Variants in DGLUCY observed in about 807,000 individuals in gnomAD.
DGLUCY encodes the protein D-glutamate cyclase, also known as D-glutamate cyclase, mitochondrial.
In DGLUCY, 58 loss-of-function variants were observed where a neutral mutation model predicts 58.5. That is an observed-to-expected ratio of 0.99 (90% CI 0.80 to 1.23). The LOEUF is 1.23. Among genes scored for constraint, DGLUCY ranks in the 50% most tolerant of loss-of-function variants. The pLI is 0.00. For synonymous variants in DGLUCY, 325 were observed against 314.1 expected, an observed-to-expected ratio of 1.03 and a Z score of -0.37; for missense variants, 779 against 784.7, an observed-to-expected ratio of 0.99 and a Z score of 0.09.
At chr14:91,121,967 G>A (rs1828278251) in intron 1 of DGLUCY, among the ~76,000 whole-genome samples, 1 of 152,162 alleles carries the variant, frequency 6.6e-6, no homozygotes, top group Admixed American at 6.5e-5. Flanking sequence ...ACATTTGCTT[G>A]ATGAATACGT....
chr14:91,215,526 C>G lies in DGLUCY; in HGVS notation c.1686C>G (p.Ala562=). Residue 562 remains alanine (A), a synonymous_variant, in exon 13 of 14, where the codon GCC becomes GCG. Coordinates refer to ENST00000256324, the MANE Select transcript of DGLUCY (RefSeq NM_001102368.3). The part of the protein sequence containing the change: ...VGPSRAPGDQ[A]WTQALPSVIK... The stretch of plus-strand genomic sequence containing the variant: ...CCTCCAGGGCACCTGGAGATCAGGC[C>G]TGGACTCAGGCCCTCCCGTCGGTCA... 1 of 1,614,016 alleles carries G rather than the reference C, an allele frequency of 6.2e-7. No homozygotes were observed. Among genetic ancestry groups the G allele is most frequent in the Non-Finnish European group, 8.5e-7 (1 of 1,179,850 alleles).
At chr14:91,122,096 CT>C (rs139048376) in intron 1 of DGLUCY, among the ~76,000 whole-genome samples, 11 of 149,470 alleles carry the variant, frequency 7.4e-5, no homozygotes, top group East Asian at 5.9e-4. Flanking sequence ...TGTATGATAT[CT>C]TTTTTTTTTC....
At position 91,199,766 on chromosome 14, in the gene DGLUCY, C is replaced by T. The variant is rs776103852; in HGVS notation, c.1305C>T (p.His435=). The T allele has an allele frequency of 5.0e-6, 8 of 1,614,102 alleles. No homozygotes were observed. Among genetic ancestry groups the T allele is most frequent in the Non-Finnish European group, 6.8e-6 (8 of 1,179,968 alleles). Residue 435 remains histidine (H), a synonymous_variant, in exon 11 of 14, where the codon CAC becomes CAT. Coordinates refer to ENST00000256324, the MANE Select transcript of DGLUCY (RefSeq NM_001102368.3). ...NGDPQTPRFD[H]LVAIERAGRA... The stretch of plus-strand genomic sequence containing the variant: ...CTTTGCTTCCCGGCAGATTTGACCA[C>T]CTGGTGGCCATAGAGCGTGCCGGAA...
At chr14:91,122,276 C>G (rs2045415538) in intron 1 of DGLUCY, among the ~76,000 whole-genome samples, 1 of 151,918 alleles carries the variant, frequency 6.6e-6, no homozygotes, top group Admixed American at 6.6e-5. Context: ...ACCTCAGTCT[C>G]CTGAGTAGCT....
chr14:91,212,662 A>T (rs536274494), intron 12 of DGLUCY, among the ~76,000 whole-genome samples: 3 of 151,926 alleles, frequency 2.0e-5, no homozygotes, highest in Non-Finnish European at 4.4e-5. Context: ...TGATTGCGCC[A>T]CTGCACTCCA....
chr14:91,173,433 G>A lies in DGLUCY; in HGVS notation c.601G>A (p.Asp201Asn), dbSNP rs193008696. ...GEQGQPVHMG[D>N]PELLGIKELS... ...GCAGGGGCAACCTGTTCACATGGGC[G>A]ACCCAGGTCAGTGTCTCTCGCTCCT... is the stretch of plus-strand genomic sequence containing the variant. The change falls in exon 6 of 14, where the codon GAC (aspartate) becomes AAC (asparagine). Residue 201 changes from aspartate (D) to asparagine (N), a missense_variant. By Grantham distance (23) the Asp-to-Asn change is conservative (BLOSUM62 1). Coordinates refer to ENST00000256324, the MANE Select transcript of DGLUCY (RefSeq NM_001102368.3). The A allele has an allele frequency of 1.1e-5, 17 of 1,599,546 alleles. No individual in the cohort carries two copies. Among genetic ancestry groups the A allele is most frequent in the Middle Eastern group, 1.7e-4 (1 of 5,958 alleles).
intron 1 of DGLUCY, among the ~76,000 whole-genome samples, chr14:91,079,891 GTA>G (rs1566933032): frequency 6.6e-6 from 1 of 151,798 alleles, no homozygotes; most frequent in East Asian, 1.9e-4. Flanking sequence ...TTAAAATGTT[GTA>G]TCACCATCAC....
At chr14:91,193,043 A>G (rs777213827) in intron 9 of DGLUCY, among the ~76,000 whole-genome samples, 14 of 152,060 alleles carry the variant, frequency 9.2e-5, no homozygotes, top group South Asian at 4.1e-4. Flanking sequence ...ACTGGGTGAG[A>G]GCACTGTGGA....
chr14:91,075,094 A>G (rs2043998871), intron 1 of DGLUCY, among the ~76,000 whole-genome samples: 1 of 151,702 alleles, frequency 6.6e-6, no homozygotes. Flanking sequence ...AAAAAGAAGA[A>G]TTGCTCTTCT....
chr14:91,183,815 T>G (rs2049325662), intron 8 of DGLUCY, among the ~76,000 whole-genome samples: 1 of 152,082 alleles, frequency 6.6e-6, no homozygotes, highest in African/African-American at 2.4e-5. Context: ...TCAGCTAAAT[T>G]AGAATCTCAA....
chr14:91,168,647 C>T (rs2048408069), intron 4 of DGLUCY, among the ~76,000 whole-genome samples: 1 of 152,202 alleles, frequency 6.6e-6, no homozygotes, highest in South Asian at 2.1e-4. Flanking sequence ...TGCCTCAAGA[C>T]CCAGCACCAA....
rs116181821 is a variant in DGLUCY at position 91,190,854 on chromosome 14, G to A, written c.1195+1684G>A. Among the ~76,000 whole-genome samples the A allele has an allele frequency of 7.5e-3, 1,144 of 152,308 alleles. 11 individuals carry two copies. The highest frequency in any genetic ancestry group is 0.026 in the African/African-American group (1,068 of 41,572). On this transcript the variant is annotated intron_variant, in intron 9 of 13. Coordinates refer to ENST00000256324, the MANE Select transcript of DGLUCY (RefSeq NM_001102368.3). ...TCTGAGTCAGGGACAGCCATGTTCT[G>A]TGTGGGTTGTAAGCAATCACTGGGG...
In DGLUCY at chr14:91,164,085, G is replaced by A. The variant is rs371625637; in HGVS notation, c.104-3140G>A. On this transcript the variant is annotated intron_variant, in intron 3 of 13. Coordinates refer to ENST00000256324, the MANE Select transcript of DGLUCY (RefSeq NM_001102368.3). ...CTGTCTCAGCCTCCCAAGTAGCTGG[G>A]ATTACAGGCACGTGCCACCATGCCT... 3.7e-4 allele frequency among the ~76,000 whole-genome samples: 56 copies of A among 152,226 alleles called. 1 individual carries two copies. The highest frequency in any genetic ancestry group is 1.1e-3 in the African/African-American group (46 of 41,530).
chr14:91,195,292 G>T (rs2050134212), intron 9 of DGLUCY, among the ~76,000 whole-genome samples: 1 of 152,222 alleles, frequency 6.6e-6, no homozygotes, highest in African/African-American at 2.4e-5. Context: ...CTGTGAGATA[G>T]ATCGGTTAAT....
chr14:91,106,417 C>CT (rs2044591428), upstream of DGLUCY, among the ~76,000 whole-genome samples: 1 of 151,740 alleles, frequency 6.6e-6, no homozygotes, highest in Admixed American at 6.6e-5. Flanking sequence ...GTTTAAAAAA[C>CT]TAAGTTTGGC....
At chr14:91,168,685 T>G (rs1373139142) in intron 4 of DGLUCY, among the ~76,000 whole-genome samples, 2 of 152,362 alleles carry the variant, frequency 1.3e-5, no homozygotes, top group Admixed American at 1.3e-4. Context: ...AATTGATTTC[T>G]TCCTTCTCTG....
At chr14:91,147,191 C>A (rs2047057959) in intron 1 of DGLUCY, among the ~76,000 whole-genome samples, 1 of 152,210 alleles carries the variant, frequency 6.6e-6, no homozygotes, top group Admixed American at 6.5e-5. Flanking sequence ...TGCCAGCATT[C>A]CTGTCTCCAT....
At chr14:91,204,459 G>A (rs1379523984) in intron 11 of DGLUCY, among the ~76,000 whole-genome samples, 1 of 152,170 alleles carries the variant, frequency 6.6e-6, no homozygotes, top group Non-Finnish European at 1.5e-5. Context: ...CATCTTTGCT[G>A]GAGAATGTGA....
intron 5 of DGLUCY, among the ~76,000 whole-genome samples, chr14:91,171,871 C>T (rs1042507187): frequency 1.3e-5 from 2 of 152,088 alleles, no homozygotes; most frequent in African/African-American, 4.8e-5. Flanking sequence ...TGTGTGGATT[C>T]AGGAGGCAGA....
Sources: allele counts gnomAD v4.1 joint callset (sites outside exome capture counted in the v4.1 genomes callset), GRCh38; gene constraint gnomAD v4.1.1; transcripts MANE v1.5; gene names NCBI Gene and HGNC (gene_info 2026-07-23, HGNC 2026-07-21).